The following HOOK1 variants were observed in gnomAD, a reference collection of about 807,000 sequenced individuals.
HOOK1 encodes the protein protein Hook homolog 1.
HOOK1 carries 60 observed loss-of-function variants against 112.8 expected under a neutral mutation model. The ratio of observed to expected loss-of-function variants is 0.53; its 90% confidence interval spans 0.43 to 0.66. HOOK1 has a LOEUF of 0.66. Ranked by LOEUF, HOOK1 falls within the 30% of genes least tolerant of loss-of-function variation. The probability of loss-of-function intolerance (pLI) is 0.00; values close to 1 mark genes in which losing one functional copy is unlikely to be tolerated. For synonymous variants in HOOK1, 294 were observed against 283.8 expected (o/e 1.04, Z -0.36); for missense variants, 770 against 856.0 (o/e 0.90, Z 1.25).
intron 12 of HOOK1, among the ~76,000 whole-genome samples, chr1:59,853,427 G>A (rs928864550): frequency 1.3e-5 from 2 of 151,492 alleles, no homozygotes; most frequent in African/African-American, 4.9e-5. Flanking sequence ...CTTTCTTTTG[G>A]TTACTGTTTG....
Position 59,847,052 on chromosome 1 carries a change from G to A in HOOK1, c.796G>A (p.Ala266Thr), listed in dbSNP as rs747181740. ...QLQEENFRLEAAKDDYRVHCE... is the reference protein window; with the variant it reads ...QLQEENFRLETAKDDYRVHCE... Reference sequence around the variant, plus strand: ...CTTTTTTATTTGTTCAAGGCTTGAAGCTGCAAAAGATGATTACCGTGTTCA... The same window carrying A: ...CTTTTTTATTTGTTCAAGGCTTGAAACTGCAAAAGATGATTACCGTGTTCA... Residue 266 changes from alanine (A) to threonine (T), a missense_variant, in exon 10 of 22, where the codon GCT becomes ACT. By Grantham distance (58) the Ala-to-Thr change is moderately conservative. Transcript: ENST00000371208. 31 of 1,591,160 alleles carry A rather than the reference G, an allele frequency of 1.9e-5. No individual in the cohort carries two copies. The highest frequency in any genetic ancestry group is 2.3e-5 in the Non-Finnish European group (27 of 1,172,034).
chr1:59,862,498 TAC>T (rs1559061294), intron 15 of HOOK1, among the ~76,000 whole-genome samples: 1 of 152,172 alleles, frequency 6.6e-6, no homozygotes. Flanking sequence ...CTGATTTTTC[TAC>T]CAGTGAGTGC....
chr1:59,861,315 T>C (rs1193757354), intron 15 of HOOK1, among the ~76,000 whole-genome samples: 2 of 152,208 alleles, frequency 1.3e-5, no homozygotes, highest in Non-Finnish European at 1.5e-5. Flanking sequence ...GTCTAGTGCA[T>C]AGATAAGATC....
intron 9 of HOOK1, among the ~76,000 whole-genome samples, chr1:59,846,339 G>A (rs146236998): frequency 3.4e-4 from 52 of 151,498 alleles, no homozygotes; most frequent in Non-Finnish European, 6.2e-4. Flanking sequence ...TCTTGCTAGA[G>A]GTTCATCAGT....
chr1:59,873,928 G>T lies in HOOK1; in HGVS notation c.*963G>T, dbSNP rs929907669. ...GCAGTGATGAAACAAGGTGGGATCA[G>T]TTTGATTTTGTTTACTTATTAAGGA... On this transcript the variant is annotated 3_prime_UTR_variant, in exon 22 of 22. Transcript: ENST00000371208. 2 of 151,794 alleles carry T rather than the reference G, an allele frequency of 1.3e-5. No individual in the cohort carries two copies. Among genetic ancestry groups the T allele is most frequent in the African/African-American group, 4.8e-5 (2 of 41,356 alleles). 9.4% of individuals were successfully genotyped at this position (151,794 alleles called of 1,614,324 possible). A position where few individuals can be genotyped will look rare whatever the true frequency, so the allele number is the denominator to read the frequency against.
At chr1:59,846,963 CATAT>C (rs1219113372) in intron 9 of HOOK1, 78 bp from the exon 10 acceptor site, 7 of 1,090,992 alleles carry the variant, frequency 6.4e-6, no homozygotes, top group Admixed American at 2.7e-5. Context: ...TATGCATTTG[CATAT>C]ATAGTCATGC....
chr1:59,828,195 A>G (rs2098391319), intron 2 of HOOK1, among the ~76,000 whole-genome samples: 1 of 152,198 alleles, frequency 6.6e-6, no homozygotes, highest in African/African-American at 2.4e-5. Flanking sequence ...AAAATTTAGT[A>G]TAGCAATTCT....
chr1:59,821,239 C>T (rs563630249), intron 1 of HOOK1, among the ~76,000 whole-genome samples: 82 of 151,870 alleles, frequency 5.4e-4, no homozygotes, highest in Non-Finnish European at 8.5e-4. Flanking sequence ...GTTATTATTC[C>T]GCTTCTCTTC....
intron 3 of HOOK1, among the ~76,000 whole-genome samples, chr1:59,829,880 C>G (rs1306006096): frequency 6.6e-6 from 1 of 152,010 alleles, no homozygotes; most frequent in African/African-American, 2.4e-5. Flanking sequence ...AGCCACATCC[C>G]ACATATTTTG....
chr1:59,848,174 C>T (rs1436722262), intron 10 of HOOK1, 141 bp from the exon 11 acceptor site: 1 of 605,284 alleles, frequency 1.7e-6, no homozygotes, highest in Non-Finnish European at 2.9e-6. Flanking sequence ...ACAAAGTTTA[C>T]AATTTCCTCT....
intron 12 of HOOK1, among the ~76,000 whole-genome samples, chr1:59,854,215 C>T (rs28853288): frequency 6.6e-6 from 1 of 150,546 alleles, no homozygotes; most frequent in African/African-American, 2.4e-5. Context: ...CCATGCCTGA[C>T]TAATTTTTGT....
intron 19 of HOOK1, among the ~76,000 whole-genome samples, chr1:59,867,544 T>A (rs552277557): frequency 6.6e-6 from 1 of 152,336 alleles, no homozygotes; most frequent in South Asian, 2.1e-4. Flanking sequence ...AATTACATCA[T>A]GCAGATGTCC....
rs776738026 is a variant in HOOK1, at chr1:59,828,814, C to A, written c.184C>A (p.Arg62=). 6.2e-7 allele frequency: 1 copy of A among 1,612,316 alleles called. No homozygotes were observed. The highest frequency in any genetic ancestry group is 1.3e-5 in the African/African-American group (1 of 74,702). The part of the protein sequence containing the change: ...AAWFNESWLS[R]IKEDVGDNWR... ...TTGGTTTAACGAATCTTGGTTAAGC[C>A]GAATTAAAGAGGATGTTGGGGACAA... The change falls in exon 3 of 22, where the codon CGA becomes AGA. Residue 62 remains arginine, a synonymous_variant. Transcript: ENST00000371208.
At chr1:59,823,190 G>C (rs2098387033) in intron 2 of HOOK1, among the ~76,000 whole-genome samples, 1 of 152,032 alleles carries the variant, frequency 6.6e-6, no homozygotes, top group Non-Finnish European at 1.5e-5. Flanking sequence ...CATGGTGGCG[G>C]GCGCCTGTAG....
At chr1:59,827,203 T>G (rs2098390625) in intron 2 of HOOK1, among the ~76,000 whole-genome samples, 1 of 152,218 alleles carries the variant, frequency 6.6e-6, no homozygotes, top group Admixed American at 6.5e-5. Context: ...TTGCTCTTTC[T>G]TTGGGGGAGT....
At chr1:59,847,762 G>T (rs1204560292) in intron 10 of HOOK1, among the ~76,000 whole-genome samples, 1 of 151,398 alleles carries the variant, frequency 6.6e-6, no homozygotes, top group East Asian at 1.9e-4. Context: ...AACAAAATTT[G>T]TGTAACCATT....
chr1:59,840,309 T>A lies in HOOK1; in HGVS notation c.539T>A (p.Leu180His), dbSNP rs764196606. 1 of 1,567,080 alleles carries A rather than the reference T, an allele frequency of 6.4e-7. No individual in the cohort carries two copies. ...NDAVGELEQQ[L>H]KRALEELQEA... is the part of the protein sequence containing the mutation. Reference sequence around the variant, plus strand: ...GATTTAGGACATTTTGTATTTCAGCTTAAAAGAGCCTTGGAAGAACTTCAG... The same window carrying A: ...GATTTAGGACATTTTGTATTTCAGCATAAAAGAGCCTTGGAAGAACTTCAG... The change falls in exon 8 of 22, where the codon CTT (leucine) becomes CAT (histidine). Residue 180 changes from leucine (L) to histidine (H), a missense_variant and splice_region_variant. Around this residue, in one of 3 missense-constraint regions of HOOK1, gnomAD observed 655 missense variants for 725.9 expected, o/e 0.90. Transcript: ENST00000371208.
rs12738679 is a variant in HOOK1 at position 59,827,211 on chromosome 1, A to G, written c.150-1569A>G. On this transcript the variant is annotated intron_variant, in intron 2 of 21. Coordinates refer to ENST00000371208, the MANE Select transcript of HOOK1 (RefSeq NM_015888.6). ...GCACAATTTGCTCTTTCTTTGGGGG[A>G]GTTCAGCCTTTTTCTTAAGGCCTTC... 5.6e-3 allele frequency among the ~76,000 whole-genome samples: 856 copies of G among 152,218 alleles called. 2 individuals are homozygous for G. The highest frequency in any genetic ancestry group is 9.6e-3 in the Non-Finnish European group (656 of 68,002).
intron 7 of HOOK1, among the ~76,000 whole-genome samples, chr1:59,838,473 G>C (rs563331078): frequency 6.6e-6 from 1 of 152,026 alleles, no homozygotes; most frequent in Non-Finnish European, 1.5e-5. Flanking sequence ...TCATATGTCC[G>C]TTCGCTGCAT....
Sources: gnomAD v4.1 joint callset for allele counts (sites outside exome capture counted in the v4.1 genomes callset) on GRCh38, gnomAD v4.1.1 for gene constraint, gnomAD v4.1.1 regional missense constraint, MANE v1.5 for transcripts, NCBI Gene and HGNC (gene_info 2026-07-23, HGNC 2026-07-21) for gene names.